DGKB: variants seen among roughly 807,000 people sequenced by gnomAD.
The protein encoded by DGKB is diacylglycerol kinase beta, also known as 90 kDa diacylglycerol kinase.
A neutral mutation model predicts 114.3 loss-of-function variants in DGKB; 67 were observed. The observed-to-expected ratio is 0.59, with a 90% confidence interval of 0.48 to 0.72. The LOEUF (loss-of-function observed/expected upper bound fraction) is 0.72. Ranked by LOEUF, DGKB falls within the 30% of genes least tolerant of loss-of-function variation. DGKB has a pLI of 0.00. For missense variants in DGKB, 907 were observed against 975.2 expected, an observed-to-expected ratio of 0.93 and a Z score of 0.93; for synonymous variants, 398 against 323.1, an observed-to-expected ratio of 1.23 and a Z score of -2.49.
At chr7:14,933,578 A>G (rs36867) in intron 1 of DGKB, among the ~76,000 whole-genome samples, 90,440 of 152,056 alleles carry the variant, frequency 0.59, 30,360 homozygotes, top group East Asian at 0.91. Context: ...CTTCAGGATA[A>G]AAATTATGTC....
At chr7:14,194,535 T>A (rs1784754385) in intron 23 of DGKB, among the ~76,000 whole-genome samples, 1 of 152,122 alleles carries the variant, frequency 6.6e-6, no homozygotes, top group Non-Finnish European at 1.5e-5. Flanking sequence ...AAGAATCTGG[T>A]ACATAAATGG....
chr7:14,538,568 T>C (rs1228202240), intron 20 of DGKB, among the ~76,000 whole-genome samples: 2 of 152,028 alleles, frequency 1.3e-5, no homozygotes, highest in Non-Finnish European at 2.9e-5. Flanking sequence ...TATGATAAAA[T>C]AGTATAGAGA....
chr7:14,233,511 A>T (rs1321190733), intron 23 of DGKB, among the ~76,000 whole-genome samples: 1 of 152,032 alleles, frequency 6.6e-6, no homozygotes, highest in East Asian at 1.9e-4. Flanking sequence ...CTGGCAGTCC[A>T]CGCTCCACAC....
At chr7:14,329,028 A>G (rs1809249286) in intron 23 of DGKB, among the ~76,000 whole-genome samples, 1 of 151,992 alleles carries the variant, frequency 6.6e-6, no homozygotes, top group Admixed American at 6.6e-5. Context: ...GATTCTATGT[A>G]TTTCCACAAA....
At chr7:14,635,987 G>A (rs1231753499) in intron 13 of DGKB, among the ~76,000 whole-genome samples, 1 of 151,554 alleles carries the variant, frequency 6.6e-6, no homozygotes, top group Non-Finnish European at 1.5e-5. Context: ...TAAAGCCTAG[G>A]TCTCCTTTTC....
At chr7:14,389,798 T>G (rs1821045295) in intron 21 of DGKB, among the ~76,000 whole-genome samples, 1 of 152,204 alleles carries the variant, frequency 6.6e-6, no homozygotes, top group African/African-American at 2.4e-5. Context: ...GTTTAGCCAG[T>G]AGATATGGAT....
intron 21 of DGKB, among the ~76,000 whole-genome samples, chr7:14,394,665 C>CT (rs1350274517): frequency 4.0e-4 from 25 of 62,976 alleles, no homozygotes; most frequent in Non-Finnish European, 9.8e-4. Flanking sequence ...CATCAATGAC[C>CT]ATTTTTTTTT....
At chr7:14,965,217 G>A (rs2115285490) in intron 1 of DGKB, among the ~76,000 whole-genome samples, 1 of 152,230 alleles carries the variant, frequency 6.6e-6, no homozygotes, top group South Asian at 2.1e-4. Context: ...ATACTTGAAT[G>A]GGGTTAAGTC....
chr7:14,756,889 T>A (rs1483890529), intron 3 of DGKB, among the ~76,000 whole-genome samples: 1 of 152,046 alleles, frequency 6.6e-6, no homozygotes, highest in Middle Eastern at 3.2e-3. Flanking sequence ...GCAAATGAAC[T>A]AACAGTAATG....
chr7:14,632,687 G>T (rs2128852637), intron 13 of DGKB, among the ~76,000 whole-genome samples: 1 of 151,770 alleles, frequency 6.6e-6, no homozygotes, highest in South Asian at 2.1e-4. Context: ...GGAGTGGGTG[G>T]GAGAGAAATA....
chr7:14,627,835 T>A (rs969808481), intron 14 of DGKB, among the ~76,000 whole-genome samples: 10 of 151,544 alleles, frequency 6.6e-5, no homozygotes, highest in African/African-American at 2.4e-4. Flanking sequence ...CCCAGCTACT[T>A]TGGCGGCTGA....
At chr7:14,312,256 A>G (rs1562903959) in intron 23 of DGKB, among the ~76,000 whole-genome samples, 1 of 152,228 alleles carries the variant, frequency 6.6e-6, no homozygotes, top group South Asian at 2.1e-4. Flanking sequence ...ACACTGGTCC[A>G]TTATATCAGC....
At chr7:14,477,410 T>C (rs1247345263) in intron 21 of DGKB, among the ~76,000 whole-genome samples, 2 of 152,174 alleles carry the variant, frequency 1.3e-5, no homozygotes, top group Admixed American at 6.5e-5. Context: ...ATGCTAGTTA[T>C]GGTTTTGTAG....
intron 13 of DGKB, among the ~76,000 whole-genome samples, chr7:14,668,607 T>G (rs570272103): frequency 4.9e-4 from 75 of 152,256 alleles, no homozygotes; most frequent in African/African-American, 1.7e-3. Flanking sequence ...TTGTGTTACT[T>G]ATAACCATAC....
chr7:14,420,868 G>A (rs1044864096), intron 21 of DGKB, among the ~76,000 whole-genome samples: 1 of 151,962 alleles, frequency 6.6e-6, no homozygotes, highest in African/African-American at 2.4e-5. Flanking sequence ...TCATGCTGAC[G>A]TCCTAGAACT....
chr7:14,727,674 C>T (rs1403370936), intron 5 of DGKB, among the ~76,000 whole-genome samples: 3 of 152,146 alleles, frequency 2.0e-5, no homozygotes, highest in African/African-American at 7.2e-5. Context: ...ATTCCCCTAT[C>T]TCATAGTCAC....
At chr7:14,508,231 C>T (rs1379304156) in intron 20 of DGKB, among the ~76,000 whole-genome samples, 1 of 152,122 alleles carries the variant, frequency 6.6e-6, no homozygotes, top group East Asian at 1.9e-4. Flanking sequence ...CACAGTAGGG[C>T]TCAAATTGTG....
rs115070168 is a variant in DGKB, at chr7:14,236,621, A to T, written c.2123-58470T>A. ...GAAATCTCAGCTGAAGGAAACAAAGAAAAGTTCATAAAATTTTCTAAAAAT... is the reference window on the plus strand; with the variant it reads ...GAAATCTCAGCTGAAGGAAACAAAGTAAAGTTCATAAAATTTTCTAAAAAT... On this transcript the variant is annotated intron_variant, in intron 23 of 25. Coordinates refer to ENST00000402815, the MANE Select transcript of DGKB (RefSeq NM_001350709.2). Among the ~76,000 whole-genome samples the T allele has an allele frequency of 2.7e-3, 407 of 152,116 alleles. 2 individuals carry two copies. Among genetic ancestry groups the T allele is most frequent in the African/African-American group, 9.5e-3 (393 of 41,562 alleles).
intron 23 of DGKB, among the ~76,000 whole-genome samples, chr7:14,277,716 A>G (rs1470734580): frequency 6.6e-6 from 1 of 152,212 alleles, no homozygotes; most frequent in Non-Finnish European, 1.5e-5. Context: ...TAGTGCTACA[A>G]TGAACATGAG....
Sources: gnomAD v4.1 joint callset for allele counts (sites outside exome capture counted in the v4.1 genomes callset) on GRCh38, gnomAD v4.1.1 for gene constraint, MANE v1.5 for transcripts, NCBI Gene and HGNC (gene_info 2026-07-23, HGNC 2026-07-21) for gene names.